Variants in CNTNAP4 observed in about 807,000 individuals in gnomAD.
CNTNAP4 encodes the protein contactin-associated protein-like 4.
A neutral mutation model predicts 148.4 loss-of-function variants in CNTNAP4; 98 were observed. The observed-to-expected ratio is 0.66, with a 90% CI of 0.56 to 0.78. The LOEUF is 0.78. Ranked by LOEUF, CNTNAP4 falls within the 30% of genes least tolerant of loss-of-function variation. The pLI is 0.00. For missense variants in CNTNAP4, 1,935 were observed against 1,565.6 expected, an observed-to-expected ratio of 1.24 and a Z score of -3.98; for synonymous variants, 730 against 565.1, an observed-to-expected ratio of 1.29 and a Z score of -4.14.
At chr16:76,538,906 T>A (rs1318994107) in intron 19 of CNTNAP4, among the ~76,000 whole-genome samples, 1 of 152,056 alleles carries the variant, frequency 6.6e-6, no homozygotes, top group Non-Finnish European at 1.5e-5. Flanking sequence ...TTTTTCTCTT[T>A]CCCACATCTA....
rs144054699 is a variant in CNTNAP4 at position 76,560,439 on chromosome 16, A to T, written c.*1756A>T. Among the ~76,000 whole-genome samples the T allele has an allele frequency of 6.6e-6, 1 of 152,214 alleles. No individual in the cohort carries two copies. Among genetic ancestry groups the T allele is most frequent in the African/African-American group, 2.4e-5 (1 of 41,452 alleles). Reference sequence around the variant, plus strand: ...TGGTAGATGGTATACTCTTTGTTTGATTGGAAGATCTATGGTGACAAGGGA... The same window carrying T: ...TGGTAGATGGTATACTCTTTGTTTGTTTGGAAGATCTATGGTGACAAGGGA... On this transcript the variant is annotated 3_prime_UTR_variant, in exon 24 of 24. Transcript: ENST00000611870.
At chr16:76,291,142 G>T (rs978126741) in intron 1 of CNTNAP4, among the ~76,000 whole-genome samples, 13 of 152,128 alleles carry the variant, frequency 8.5e-5, no homozygotes, top group African/African-American at 2.4e-4. Flanking sequence ...GGAGTGGGGG[G>T]TATAATTCAG....
At position 76,448,088 on chromosome 16, in the gene CNTNAP4, A is replaced by G; in HGVS notation, c.615A>G (p.Lys205=). The part of the protein sequence containing the change: ...RFDQKSLSPI[K]DIISLKFKTM... ...ATCAAAAATCCCTGAGCCCAATAAA[A>G]GACATTATTTCTTTGAAATTCAAAA... The change falls in exon 5 of 24, where the codon AAA becomes AAG. Residue 205 remains lysine (K), a synonymous_variant. Coordinates refer to ENST00000611870, the MANE Select transcript of CNTNAP4 (RefSeq NM_033401.5). The G allele has an allele frequency of 6.2e-7, 1 of 1,613,794 alleles. No individual in the cohort carries two copies. Among genetic ancestry groups the G allele is most frequent in the Non-Finnish European group, 8.5e-7 (1 of 1,179,750 alleles).
intron 3 of CNTNAP4, among the ~76,000 whole-genome samples, chr16:76,405,240 A>G (rs1482986650): frequency 1.3e-5 from 2 of 152,212 alleles, no homozygotes; most frequent in East Asian, 1.9e-4. Context: ...ACATTATTCT[A>G]GAGACCATCT....
intron 2 of CNTNAP4, among the ~76,000 whole-genome samples, chr16:76,332,111 AT>A (rs1266220237): frequency 6.6e-6 from 1 of 152,074 alleles, no homozygotes; most frequent in Non-Finnish European, 1.5e-5. Context: ...TTCTGACTTG[AT>A]GCTTTTAAGA....
At position 76,477,924 on chromosome 16, in the gene CNTNAP4, A is replaced by G. The variant is rs139446865; in HGVS notation, c.1763-1495A>G. 1.3e-3 allele frequency among the ~76,000 whole-genome samples: 197 copies of G among 152,330 alleles called. 1 individual carries two copies. Among genetic ancestry groups the G allele is most frequent in the African/African-American group, 4.5e-3 (188 of 41,576 alleles). Reference sequence around the variant, plus strand: ...AAGTTACTTTCATCTGTGACCCACAATTTGATACAATAATTGAGTTTCATT... The same window carrying G: ...AAGTTACTTTCATCTGTGACCCACAGTTTGATACAATAATTGAGTTTCATT... On this transcript the variant is annotated intron_variant, in intron 11 of 23. Coordinates refer to ENST00000611870, the MANE Select transcript of CNTNAP4 (RefSeq NM_033401.5).
At chr16:76,531,421 A>T (rs989549875) in intron 17 of CNTNAP4, among the ~76,000 whole-genome samples, 5 of 152,194 alleles carry the variant, frequency 3.3e-5, no homozygotes, top group African/African-American at 1.2e-4. Flanking sequence ...GCAGGCCCTC[A>T]ATACCATTGC....
chr16:76,540,905 T>G (rs1216762294), intron 21 of CNTNAP4, 115 bp downstream of exon 21: 2 of 658,558 alleles, frequency 3.0e-6, no homozygotes, highest in Non-Finnish European at 2.6e-6. Context: ...ATCCCTTGCC[T>G]ATTTTGATTA....
In CNTNAP4 at chr16:76,467,508, G is replaced by C; in HGVS notation, c.1640G>C (p.Cys547Ser). ...GNFSDLQIDS[C>S]GISDRCLPNY... is the part of the protein sequence containing the mutation. ...TTCAGTGACCTTCAGATAGACTCAT[G>C]TGGCATCTCAGACAGGTAAGGGCAA... The change falls in exon 10 of 24, where the codon TGT becomes TCT. Residue 547 changes from cysteine to serine, a missense_variant. Transcript: ENST00000611870. 1 of 1,611,524 alleles carries C rather than the reference G, an allele frequency of 6.2e-7. No homozygotes were observed. The highest frequency in any genetic ancestry group is 8.5e-7 in the Non-Finnish European group (1 of 1,178,990).
intron 3 of CNTNAP4, among the ~76,000 whole-genome samples, chr16:76,389,874 G>C (rs2016823881): frequency 6.6e-6 from 1 of 152,048 alleles, no homozygotes; most frequent in Non-Finnish European, 1.5e-5. Context: ...TTTTAGTTTG[G>C]GTTCCTCTAG....
chr16:76,478,143 G>A (rs2081659387), intron 11 of CNTNAP4, among the ~76,000 whole-genome samples: 1 of 105,594 alleles, frequency 9.5e-6, no homozygotes, highest in Non-Finnish European at 2.0e-5. Context: ...TAAATCAACA[G>A]TCATGTTATA....
intron 18 of CNTNAP4, 77 bp downstream of exon 18, chr16:76,535,861 AGCTATTT>A: frequency 2.0e-6 from 3 of 1,465,688 alleles, no homozygotes; most frequent in Admixed American, 2.3e-5. Flanking sequence ...TTTTCTATGC[AGCTATTT>A]GAAACAAAAA....
chr16:76,491,570 T>C (rs577194335), intron 13 of CNTNAP4, among the ~76,000 whole-genome samples: 1 of 152,234 alleles, frequency 6.6e-6, no homozygotes, highest in African/African-American at 2.4e-5. Flanking sequence ...TAGTTTGTAA[T>C]GGGTTGTTCA....
intron 14 of CNTNAP4, 62 bp from the exon 15 acceptor site, chr16:76,498,505 T>C: frequency 6.8e-7 from 1 of 1,474,660 alleles, no homozygotes; most frequent in Non-Finnish European, 9.2e-7. Context: ...CATCTTGGTT[T>C]TGCAATGCAA....
At position 76,539,915 on chromosome 16, in the gene CNTNAP4, G is replaced by A. The variant is rs1310959054; in HGVS notation, c.3354+63G>A. The A allele has an allele frequency of 3.0e-5, 38 of 1,261,574 alleles. No individual in the cohort carries two copies. The East Asian group carries it at 6.0e-4, about 20-fold the overall frequency. The allele number at this position is 1,261,574 out of a possible 1,614,324, so 78.1% of individuals were successfully genotyped here. A position where few individuals can be genotyped will look rare whatever the true frequency, so the allele number is the denominator to read the frequency against. ...GACTCTCCAGCATGAAGGATCTCAA[G>A]CAGAAATTTGATAATGAACACAATA... On this transcript the variant is annotated intron_variant, in intron 20 of 23. Transcript: ENST00000611870.
At chr16:76,526,044 A>G (rs185816850) in intron 17 of CNTNAP4, among the ~76,000 whole-genome samples, 2 of 152,112 alleles carry the variant, frequency 1.3e-5, no homozygotes, top group East Asian at 3.9e-4. Context: ...CCATAAAGTA[A>G]AAAGGGTAGC....
intron 23 of CNTNAP4, among the ~76,000 whole-genome samples, chr16:76,554,695 A>C (rs892145054): frequency 1.3e-5 from 2 of 152,064 alleles, no homozygotes; most frequent in East Asian, 3.9e-4. Context: ...AAAGTAAACA[A>C]TTATTCTGTT....
In CNTNAP4 at chr16:76,535,664, A is replaced by G. The variant is rs2084182814; in HGVS notation, c.2875A>G (p.Arg959Gly). The G allele has an allele frequency of 6.2e-7, 1 of 1,614,084 alleles. No homozygotes were observed. The highest frequency in any genetic ancestry group is 1.7e-5 in the Admixed American group (1 of 60,028). ...QVTPEVQPGC[R>G]GHCSSYGKLC... is the part of the protein sequence containing the mutation. ...GACTCCAGAAGTGCAGCCAGGTTGT[A>G]GGGGACATTGCAGCAGCTATGGGAA... Residue 959 changes from arginine to glycine, a missense_variant, in exon 18 of 24, where the codon AGG becomes GGG. By Grantham distance (125) the Arg-to-Gly change is moderately radical (BLOSUM62 -2). Coordinates refer to ENST00000611870, the MANE Select transcript of CNTNAP4 (RefSeq NM_033401.5).
intron 21 of CNTNAP4, among the ~76,000 whole-genome samples, chr16:76,545,315 C>T (rs73621265): frequency 3.7e-4 from 56 of 152,298 alleles, no homozygotes; most frequent in Middle Eastern, 3.4e-3. Flanking sequence ...TACCTAGAAG[C>T]TTATTCTCGT....
Sources: gnomAD v4.1 joint callset for allele counts (sites outside exome capture counted in the v4.1 genomes callset) on GRCh38, gnomAD v4.1.1 for gene constraint, MANE v1.5 for transcripts, NCBI Gene and HGNC (gene_info 2026-07-23, HGNC 2026-07-21) for gene names.